Variants in CHD4 observed in about 807,000 individuals in gnomAD.
CHD4 encodes chromodomain helicase DNA binding protein 4.
CHD4 carries 35 observed loss-of-function variants against 235.5 expected under a neutral mutation model. That is an observed-to-expected ratio of 0.15 (90% confidence interval 0.11 to 0.20). The LOEUF (loss-of-function observed/expected upper bound fraction) is 0.20. Among genes scored for constraint, CHD4 ranks in the 10% least tolerant of loss-of-function variants. CHD4 has a pLI of 1.00. For missense variants in CHD4, 1,329 were observed against 2,432.3 expected, an observed-to-expected ratio of 0.55 and a Z score of 9.54; for synonymous variants, 900 against 850.2, an observed-to-expected ratio of 1.06 and a Z score of -1.02.
chr12:6,578,974 G>A (rs1383860453), intron 33 of CHD4, 57 bp from the exon 34 acceptor site: 2 of 1,497,670 alleles, frequency 1.3e-6, no homozygotes, highest in Admixed American at 1.7e-5. Flanking sequence ...CTCCTCTGTT[G>A]CACACTATTA....
In CHD4 at chr12:6,600,208, G is replaced by C; in HGVS notation, c.1242+9C>G. ...GGGTTCCAAGGGGCCACAATGGCCAGACACTCACGCAGTGTGGGCAGCTCC... is the reference window on the plus strand; with the variant it reads ...GGGTTCCAAGGGGCCACAATGGCCACACACTCACGCAGTGTGGGCAGCTCC... On this transcript the variant is annotated intron_variant, in intron 9 of 39. Transcript: ENST00000544040. 6.2e-7 allele frequency: 1 copy of C among 1,613,708 alleles called. No individual in the cohort carries two copies. The highest frequency in any genetic ancestry group is 8.5e-7 in the Non-Finnish European group (1 of 1,179,782).
intron 6 of CHD4, 67 bp from the exon 7 acceptor site, chr12:6,601,120 C>G (rs1272787641): frequency 7.2e-6 from 11 of 1,525,366 alleles, no homozygotes; most frequent in Non-Finnish European, 7.9e-6. Context: ...ATCTTCTCCA[C>G]CTAAGCTTGC....
intron 22 of CHD4, among the ~76,000 whole-genome samples, chr12:6,590,650 C>T (rs1174051609): frequency 6.6e-6 from 1 of 152,044 alleles, no homozygotes; most frequent in African/African-American, 2.4e-5. Flanking sequence ...AAGACCCCAT[C>T]TCTACAAAAA....
chr12:6,604,504 AG>A (rs1405470729), intron 2 of CHD4, among the ~76,000 whole-genome samples: 3 of 152,036 alleles, frequency 2.0e-5, no homozygotes, highest in Admixed American at 6.6e-5. Context: ...ATGCAACATC[AG>A]CCTGGATTTC....
chr12:6,577,265 C>CG (rs545327993), intron 37 of CHD4, among the ~76,000 whole-genome samples: 1 of 151,210 alleles, frequency 6.6e-6, no homozygotes, highest in Admixed American at 6.6e-5. Flanking sequence ...ACTAAAAATC[C>CG]AAAAAAAACA....
intron 10 of CHD4, among the ~76,000 whole-genome samples, chr12:6,598,945 G>T (rs1046358096): frequency 6.6e-6 from 1 of 152,222 alleles, no homozygotes; most frequent in Non-Finnish European, 1.5e-5. Context: ...TTGGATTAGG[G>T]TGCTCAACCT....
At chr12:6,598,833 T>G (rs1165531796) in intron 10 of CHD4, among the ~76,000 whole-genome samples, 2 of 152,138 alleles carry the variant, frequency 1.3e-5, no homozygotes, top group East Asian at 3.9e-4. Flanking sequence ...AGATCTCATT[T>G]CAAATAAAAT....
chr12:6,602,421 T>C lies in CHD4; in HGVS notation c.177A>G (p.Lys59=). The C allele has an allele frequency of 6.2e-7, 1 of 1,614,082 alleles. No homozygotes were observed. Among genetic ancestry groups the C allele is most frequent in the Admixed American group, 1.7e-5 (1 of 60,002 alleles). ...PKLKKKKKPK[K]PRDPKIPKSK... is the part of the protein sequence containing the mutation. ...TCTTAGGGATTTTAGGGTCCCGAGG[T>C]TTCTTAGGCTTTTTCTTCTTCTTGA... Residue 59 remains lysine, a synonymous_variant, in exon 3 of 40, where the codon AAA becomes AAG. Coordinates refer to ENST00000544040, the MANE Select transcript of CHD4 (RefSeq NM_001273.5).
chr12:6,589,008 G>A (rs988971100), intron 22 of CHD4, among the ~76,000 whole-genome samples: 5 of 152,036 alleles, frequency 3.3e-5, no homozygotes, highest in Non-Finnish European at 7.4e-5. Flanking sequence ...AACACTTTGC[G>A]AGGCTGAGGT....
Position 6,599,689 on chromosome 12 carries a change from C to T in CHD4, c.1482+84G>A, listed in dbSNP as rs992483105. The T allele has an allele frequency of 1.2e-5, 18 of 1,553,808 alleles. No individual in the cohort carries two copies. In the Admixed American group the frequency reaches 2.9e-4, roughly 25 times the overall value. ...CAGGGCTGAAAAGCTCATAGTTCCTCTCCTGCACCCCAGCCTCACAATAGC... is the reference window on the plus strand; with the variant it reads ...CAGGGCTGAAAAGCTCATAGTTCCTTTCCTGCACCCCAGCCTCACAATAGC... On this transcript the variant is annotated intron_variant, in intron 10 of 39. Coordinates refer to ENST00000544040, the MANE Select transcript of CHD4 (RefSeq NM_001273.5).
At position 6,578,115 on chromosome 12, in the gene CHD4, A is replaced by C. The variant is rs1328445791; in HGVS notation, c.5142T>G (p.Asn1714Lys). 6.2e-7 allele frequency: 1 copy of C among 1,612,918 alleles called. No homozygotes were observed. The change falls in exon 36 of 40, where the codon AAT (asparagine) becomes AAG (lysine). Residue 1714 changes from asparagine (N) to lysine (K), a missense_variant. Asn to Lys is a moderately conservative substitution (Grantham distance 94). Around this residue, in one of 26 missense-constraint regions of CHD4, gnomAD observed 135 missense variants for 282.3 expected, o/e 0.48. Coordinates refer to ENST00000544040, the MANE Select transcript of CHD4 (RefSeq NM_001273.5). The part of the protein sequence containing the change: ...GFTELHSLWQ[N>K]EERAATVTKK... ...TGGTAACTGTGGCTGCCCGCTCTTC[A>C]TTCTGCCAAAGGGAGTGCAACTCTG...
chr12:6,591,651 G>T (rs139582113), intron 21 of CHD4, 43 bp downstream of exon 21: 1 of 1,613,846 alleles, frequency 6.2e-7, no homozygotes, highest in East Asian at 2.2e-5. Context: ...GTCACTAAGG[G>T]TTGTCTATGA....
chr12:6,571,048 AAG>A lies in CHD4; in HGVS notation c.5558-18_5558-17del, dbSNP rs748716140. On this transcript the variant is annotated splice_polypyrimidine_tract_variant and intron_variant, in intron 38 of 39. Transcript: ENST00000544040. The stretch of plus-strand genomic sequence containing the variant: ...TGTTTCAGAACTGCATAGGGAGAAA[AAG>A]AGGTGGTGAGCTGTGGTGGCCCAGA... 3.0e-5 allele frequency: 48 copies of A among 1,612,994 alleles called. No homozygotes were observed. The highest frequency in any genetic ancestry group is 3.7e-5 in the Non-Finnish European group (44 of 1,179,462).
In CHD4 at chr12:6,598,070, T is replaced by G. The variant is rs771698270; in HGVS notation, c.1716A>C (p.Arg572=). 3 of 1,614,240 alleles carry G rather than the reference T, an allele frequency of 1.9e-6. No homozygotes were observed. The highest frequency in any genetic ancestry group is 1.7e-6 in the Non-Finnish European group (2 of 1,180,042). The change falls in exon 12 of 40, where the codon CGA becomes CGC. Residue 572 remains arginine (R), a synonymous_variant. Coordinates refer to ENST00000544040, the MANE Select transcript of CHD4 (RefSeq NM_001273.5). Reference sequence around the variant, plus strand: ...CCATATCATTCTTCCGCTGATAGTTTCGGAACATCACCTGACAGTGCAGCT... The same window carrying G: ...CCATATCATTCTTCCGCTGATAGTTGCGGAACATCACCTGACAGTGCAGCT... The part of the protein sequence containing the change: ...QLELHCQVMF[R]NYQRKNDMDE...
chr12:6,572,986 T>C, intron 38 of CHD4, 88 bp downstream of exon 38: 1 of 1,343,480 alleles, frequency 7.4e-7, no homozygotes, highest in Non-Finnish European at 1.0e-6. Context: ...AAAGGAGCTC[T>C]GAAAGTTTGA....
chr12:6,602,318 T>G lies in CHD4; in HGVS notation c.222+58A>C. 2.5e-6 allele frequency: 4 copies of G among 1,608,910 alleles called. No individual in the cohort carries two copies. In the South Asian group the frequency reaches 4.4e-5, roughly 18 times the overall value. ...ACAAATGCCCTCAGCCCTTCAACCC[T>G]TCTCAGAGCTCCTCCCTTCTTCCTC... On this transcript the variant is annotated intron_variant, in intron 3 of 39. Coordinates refer to ENST00000544040, the MANE Select transcript of CHD4 (RefSeq NM_001273.5).
chr12:6,601,609 A>G (rs1209723112), intron 5 of CHD4, 39 bp downstream of exon 5: 2 of 1,613,248 alleles, frequency 1.2e-6, no homozygotes, highest in African/African-American at 2.7e-5. Flanking sequence ...GAGAACAGAA[A>G]GATTCTCCTC....
At chr12:6,581,503 C>G in intron 31 of CHD4, 115 bp from the exon 32 acceptor site, 1 of 1,513,636 alleles carries the variant, frequency 6.6e-7, no homozygotes, top group South Asian at 1.1e-5. Context: ...AAGAGCCAGC[C>G]CTATTCTTAG....
chr12:6,585,348 A>G (rs750511840), intron 25 of CHD4, among the ~76,000 whole-genome samples: 10 of 151,808 alleles, frequency 6.6e-5, no homozygotes, highest in Non-Finnish European at 1.0e-4. Context: ...GCAGTGGGGC[A>G]ATCTTGGCTC....
Sources: allele counts gnomAD v4.1 joint callset (sites outside exome capture counted in the v4.1 genomes callset), GRCh38; gene constraint gnomAD v4.1.1; regional missense constraint gnomAD v4.1.1; transcripts MANE v1.5; gene names NCBI Gene and HGNC (gene_info 2026-07-23, HGNC 2026-07-21).